Variants in TET3 observed in about 807,000 individuals in gnomAD.
The protein encoded by TET3 is methylcytosine dioxygenase TET3.
Under a neutral mutation model 141.4 loss-of-function variants are expected in TET3, and 19 were observed. The ratio of observed to expected loss-of-function variants is 0.13; its 90% CI spans 0.09 to 0.20. The LOEUF (loss-of-function observed/expected upper bound fraction) is 0.20, where lower values mean the gene tolerates loss of function less well. TET3 is among the 10% of genes least tolerant of loss of function. The probability of loss-of-function intolerance (pLI) is 1.00; values close to 1 mark genes in which losing one functional copy is unlikely to be tolerated. For synonymous variants in TET3, 1,043 were observed against 980.9 expected, an observed-to-expected ratio of 1.06 and a Z score of -1.18; for missense variants, 1,874 against 2,356.9, an observed-to-expected ratio of 0.80 and a Z score of 4.24.
intron 3 of TET3, among the ~76,000 whole-genome samples, chr2:74,023,618 C>G (rs1454766385): frequency 6.6e-6 from 1 of 152,212 alleles, no homozygotes; most frequent in African/African-American, 2.4e-5. Context: ...GGCTGTGGGA[C>G]TGAGCCTAGC....
At chr2:74,009,506 A>G (rs1685317832) in intron 3 of TET3, among the ~76,000 whole-genome samples, 1 of 152,226 alleles carries the variant, frequency 6.6e-6, no homozygotes, top group South Asian at 2.1e-4. Flanking sequence ...CACATGGATC[A>G]TTATTGCCTT....
chr2:74,108,348 T>G (rs1354322510), downstream of TET3, among the ~76,000 whole-genome samples: 6 of 152,216 alleles, frequency 3.9e-5, no homozygotes, highest in South Asian at 1.2e-3. Flanking sequence ...TAAAGGAATG[T>G]TCAGAGGCTA....
At chr2:74,063,665 T>G (rs1301384755) in intron 4 of TET3, among the ~76,000 whole-genome samples, 5 of 152,036 alleles carry the variant, frequency 3.3e-5, no homozygotes, top group Non-Finnish European at 7.4e-5. Context: ...GGAGATGAGT[T>G]GTTCAGTGGG....
intron 4 of TET3, among the ~76,000 whole-genome samples, chr2:74,069,348 C>A (rs565663332): frequency 6.7e-6 from 1 of 149,164 alleles, no homozygotes; most frequent in Admixed American, 6.8e-5. Context: ...TTAAAGGCAA[C>A]AGTCAGGTAT....
intron 3 of TET3, among the ~76,000 whole-genome samples, chr2:74,030,486 T>C (rs1686618879): frequency 6.6e-6 from 1 of 152,254 alleles, no homozygotes; most frequent in South Asian, 2.1e-4. Flanking sequence ...TGGAAAGATT[T>C]TTTTTAATGC....
intron 2 of TET3, 144 bp from the exon 3 acceptor site, chr2:74,002,966 G>A (rs1684942731): frequency 2.5e-6 from 2 of 804,844 alleles, no homozygotes; most frequent in African/African-American, 1.7e-5. Context: ...CAGGAAGATG[G>A]TCCCAGATAG....
chr2:74,066,773 T>C (rs574034688), intron 4 of TET3, among the ~76,000 whole-genome samples: 40 of 152,316 alleles, frequency 2.6e-4, no homozygotes, highest in Admixed American at 1.3e-3. Flanking sequence ...TTCCAGCTAT[T>C]GGGATGGAGT....
At position 74,104,993 on chromosome 2, in the gene TET3, T is replaced by A. The variant is rs1347389014; in HGVS notation, c.*2817T>A. On this transcript the variant is annotated 3_prime_UTR_variant, in exon 12 of 12. Transcript: ENST00000409262. Reference sequence around the variant, plus strand: ...TACCTCAAATCTCAGTCATTAAAATTAGCATGCTTTAGACATATATTTAAA... The same window carrying A: ...TACCTCAAATCTCAGTCATTAAAATAAGCATGCTTTAGACATATATTTAAA... 1 of 396,508 alleles carries A rather than the reference T, an allele frequency of 2.5e-6. No individual in the cohort carries two copies. Among genetic ancestry groups the A allele is most frequent in the African/African-American group, 2.1e-5 (1 of 48,612 alleles). The allele number at this position is 396,508 out of a possible 1,614,324, so 24.6% of individuals were successfully genotyped here.
At chr2:74,023,424 G>A (rs1313001557) in intron 3 of TET3, among the ~76,000 whole-genome samples, 5 of 151,948 alleles carry the variant, frequency 3.3e-5, no homozygotes, top group Non-Finnish European at 5.9e-5. Context: ...TCTATTTTTC[G>A]TAATGATGGG....
intron 3 of TET3, among the ~76,000 whole-genome samples, chr2:74,029,079 G>A (rs894651452): frequency 2.0e-5 from 3 of 152,182 alleles, no homozygotes; most frequent in Admixed American, 6.5e-5. Flanking sequence ...AAATACTAGT[G>A]TTACTACTGC....
At chr2:74,097,041 C>T (rs190119336) in intron 10 of TET3, among the ~76,000 whole-genome samples, 83 of 150,704 alleles carry the variant, frequency 5.5e-4, no homozygotes, top group African/African-American at 1.3e-3. Context: ...TGCAGTGAGC[C>T]GTGTCACACC....
chr2:73,996,905 G>T (rs893718313), intron 2 of TET3, among the ~76,000 whole-genome samples: 12 of 152,246 alleles, frequency 7.9e-5, no homozygotes, highest in African/African-American at 2.7e-4. Flanking sequence ...GTGGCCACAG[G>T]TATGGGGGTT....
chr2:74,090,324 A>C (rs528532792), intron 8 of TET3, among the ~76,000 whole-genome samples: 1 of 152,298 alleles, frequency 6.6e-6, no homozygotes, highest in Admixed American at 6.5e-5. Context: ...GAAGATACAT[A>C]TTCAAATCGC....
At chr2:74,017,825 G>A (rs570847620) in intron 3 of TET3, among the ~76,000 whole-genome samples, 13 of 152,062 alleles carry the variant, frequency 8.5e-5, no homozygotes, top group Non-Finnish European at 1.8e-4. Context: ...GCTGTTTTCC[G>A]TAATGGCTGT....
chr2:74,020,136 C>G (rs1444991367), intron 3 of TET3, among the ~76,000 whole-genome samples: 1 of 152,152 alleles, frequency 6.6e-6, no homozygotes, highest in Non-Finnish European at 1.5e-5. Flanking sequence ...CCCAGTATGT[C>G]CTACGTGAAG....
At chr2:74,017,961 C>CTTTTTT (rs35319685) in intron 3 of TET3, among the ~76,000 whole-genome samples, 19 of 97,198 alleles carry the variant, frequency 2.0e-4, no homozygotes, top group African/African-American at 2.5e-4. Flanking sequence ...TCTTCTGTCT[C>CTTTTTT]TTTTTTTTTT....
intron 3 of TET3, among the ~76,000 whole-genome samples, chr2:74,009,033 G>A (rs978874318): frequency 5.3e-5 from 8 of 152,208 alleles, no homozygotes; most frequent in African/African-American, 1.9e-4. Context: ...TGAGCTGTGA[G>A]CCCTGCCGAC....
At chr2:74,080,398 A>G in intron 5 of TET3, 100 bp from the exon 6 acceptor site, 1 of 1,036,796 alleles carries the variant, frequency 9.6e-7, no homozygotes, top group South Asian at 1.4e-5. Context: ...GACGGTAACC[A>G]GAAACTCAAA....
chr2:74,083,685 T>C (rs1689957400), intron 6 of TET3, among the ~76,000 whole-genome samples: 1 of 152,162 alleles, frequency 6.6e-6, no homozygotes, highest in African/African-American at 2.4e-5. Context: ...AACTCCTCTG[T>C]GCTGTTTTCT....
Sources: allele counts gnomAD v4.1 joint callset (sites outside exome capture counted in the v4.1 genomes callset), GRCh38; gene constraint gnomAD v4.1.1; transcripts MANE v1.5; gene names NCBI Gene and HGNC (gene_info 2026-07-23, HGNC 2026-07-21).